Variants in CLSTN2 observed in about 807,000 individuals in gnomAD.
The protein encoded by CLSTN2 is calsyntenin 2, also known as calsyntenin-2.
A neutral mutation model predicts 101.2 loss-of-function variants in CLSTN2; 48 were observed. The observed-to-expected ratio is 0.47, with a 90% CI of 0.38 to 0.60. The LOEUF is 0.60. CLSTN2 is among the 20% of genes least tolerant of loss of function. CLSTN2 has a pLI of 0.00. For missense variants in CLSTN2, 1,160 were observed against 1,238.2 expected (o/e 0.94, Z 0.95); for synonymous variants, 481 against 463.6 (o/e 1.04, Z -0.48).
chr3:140,225,485 T>TG (rs2086310007), intron 2 of CLSTN2, among the ~76,000 whole-genome samples: 1 of 127,362 alleles, frequency 7.9e-6, no homozygotes, highest in African/African-American at 2.9e-5. Flanking sequence ...GGCACTGACA[T>TG]TTTTGTTTGT....
intron 2 of CLSTN2, among the ~76,000 whole-genome samples, chr3:140,319,081 A>G (rs867280116): frequency 6.6e-6 from 1 of 152,190 alleles, no homozygotes; most frequent in South Asian, 2.1e-4. Flanking sequence ...CAAATTAACT[A>G]CTCTCTTAAT....
intron 1 of CLSTN2, among the ~76,000 whole-genome samples, chr3:140,149,615 T>A (rs955863033): frequency 6.6e-6 from 1 of 152,082 alleles, no homozygotes; most frequent in African/African-American, 2.4e-5. Context: ...TGCACCACCA[T>A]GCCCAGCTAA....
chr3:140,557,761 A>G (rs1333987614), intron 11 of CLSTN2, among the ~76,000 whole-genome samples: 1 of 152,162 alleles, frequency 6.6e-6, no homozygotes, highest in Non-Finnish European at 1.5e-5. Context: ...GCACTCCCAG[A>G]GCATCTATCT....
intron 2 of CLSTN2, among the ~76,000 whole-genome samples, chr3:140,388,517 T>C (rs1050529750): frequency 1.7e-4 from 26 of 152,238 alleles, no homozygotes; most frequent in African/African-American, 6.3e-4. Context: ...ACTCTCCCTT[T>C]AGATTCCTAT....
At chr3:140,343,272 G>A (rs2107937460) in intron 2 of CLSTN2, among the ~76,000 whole-genome samples, 3 of 152,278 alleles carry the variant, frequency 2.0e-5, no homozygotes, top group Admixed American at 2.0e-4. Context: ...AGAGGATGAG[G>A]CTGGAGTTTT....
chr3:140,099,153 G>T (rs1162327387), intron 1 of CLSTN2, among the ~76,000 whole-genome samples: 2 of 152,186 alleles, frequency 1.3e-5, no homozygotes. Flanking sequence ...GTAGTTGTCA[G>T]CTTTTAAGGA....
intron 2 of CLSTN2, among the ~76,000 whole-genome samples, chr3:140,205,600 G>A (rs1434793103): frequency 7.7e-6 from 1 of 129,760 alleles, no homozygotes; most frequent in Non-Finnish European, 1.7e-5. Context: ...GGGTACAGTT[G>A]TTGTTTGGAC....
At chr3:140,150,017 A>G (rs2009838312) in intron 1 of CLSTN2, among the ~76,000 whole-genome samples, 1 of 152,180 alleles carries the variant, frequency 6.6e-6, no homozygotes, top group Admixed American at 6.5e-5. Context: ...GGACAGCTGG[A>G]AAAAATGAAT....
At chr3:140,139,431 G>C (rs6804603) in intron 1 of CLSTN2, among the ~76,000 whole-genome samples, 1 of 152,182 alleles carries the variant, frequency 6.6e-6, no homozygotes, top group African/African-American at 2.4e-5. Context: ...AGGGTCCACC[G>C]CATTGCAGGT....
intron 1 of CLSTN2, among the ~76,000 whole-genome samples, chr3:140,116,751 C>T (rs1278447673): frequency 6.6e-6 from 1 of 152,112 alleles, no homozygotes; most frequent in Non-Finnish European, 1.5e-5. Context: ...GGGAAATACC[C>T]ACCTTCTGCT....
chr3:140,363,101 A>G lies in CLSTN2; in HGVS notation c.233-40528A>G, dbSNP rs111804172. On this transcript the variant is annotated intron_variant, in intron 2 of 16. Coordinates refer to ENST00000458420, the MANE Select transcript of CLSTN2 (RefSeq NM_022131.3). The stretch of plus-strand genomic sequence containing the variant: ...AATGTCCATCAACTGTAGTGAGTAT[A>G]TAAACAATATGGTATATCTATACAA... Among the ~76,000 whole-genome samples, 329 of 152,362 alleles carry G rather than the reference A, an allele frequency of 2.2e-3. 2 individuals are homozygous for G. The highest frequency in any genetic ancestry group is 7.3e-3 in the African/African-American group (304 of 41,580).
chr3:140,487,224 A>G (rs1249073168), intron 8 of CLSTN2, among the ~76,000 whole-genome samples: 1 of 152,242 alleles, frequency 6.6e-6, no homozygotes, highest in Non-Finnish European at 1.5e-5. Context: ...TATAGGTAGT[A>G]TTCATGAGTT....
At chr3:139,993,853 A>ACT (rs757935809) in intron 1 of CLSTN2, among the ~76,000 whole-genome samples, 38,405 of 152,068 alleles carry the variant, frequency 0.25, 5,047 homozygotes, top group Admixed American at 0.37. Flanking sequence ...TAAAGAAAGT[A>ACT]TATGACAAGT....
chr3:139,956,969 A>G (rs1055978445), intron 1 of CLSTN2, among the ~76,000 whole-genome samples: 1 of 152,210 alleles, frequency 6.6e-6, no homozygotes, highest in Non-Finnish European at 1.5e-5. Flanking sequence ...AGAGCATAGA[A>G]AGCTGCAATG....
intron 2 of CLSTN2, among the ~76,000 whole-genome samples, chr3:140,207,173 C>T (rs1189196438): frequency 6.6e-6 from 1 of 152,108 alleles, no homozygotes; most frequent in African/African-American, 2.4e-5. Flanking sequence ...TGCATTTTAC[C>T]TAATAAGCTA....
chr3:140,048,909 A>G (rs993244895), intron 1 of CLSTN2, among the ~76,000 whole-genome samples: 2 of 152,096 alleles, frequency 1.3e-5, no homozygotes, highest in Admixed American at 6.5e-5. Context: ...CCTGTTCTCC[A>G]GTCCCTGCTG....
At chr3:140,099,358 T>C (rs2008927058) in intron 1 of CLSTN2, among the ~76,000 whole-genome samples, 1 of 152,122 alleles carries the variant, frequency 6.6e-6, no homozygotes, top group Non-Finnish European at 1.5e-5. Flanking sequence ...ATTCCTTGGC[T>C]TGTGGCTGCA....
chr3:140,524,636 A>T (rs1935099646), intron 8 of CLSTN2, among the ~76,000 whole-genome samples: 1 of 152,212 alleles, frequency 6.6e-6, no homozygotes, highest in South Asian at 2.1e-4. Context: ...ACCACAGGAC[A>T]TACATTCTTC....
At chr3:140,503,633 A>G (rs1934625921) in intron 8 of CLSTN2, among the ~76,000 whole-genome samples, 1 of 152,214 alleles carries the variant, frequency 6.6e-6, no homozygotes, top group Admixed American at 6.5e-5. Flanking sequence ...ACATGAACCT[A>G]TAAGGGGGCC....
Sources: gnomAD v4.1 joint callset for allele counts (sites outside exome capture counted in the v4.1 genomes callset) on GRCh38, gnomAD v4.1.1 for gene constraint, MANE v1.5 for transcripts, NCBI Gene and HGNC (gene_info 2026-07-23, HGNC 2026-07-21) for gene names.